The following MILR1 variants were observed in gnomAD, a reference collection of about 807,000 sequenced individuals.
The protein encoded by MILR1 is allergin-1.
Under a neutral mutation model 18.5 loss-of-function variants are expected in MILR1, and 31 were observed. The ratio of observed to expected loss-of-function variants is 1.68; its 90% confidence interval spans 1.26 to 2.26. The LOEUF (loss-of-function observed/expected upper bound fraction) is 2.26, where lower values mean the gene tolerates loss of function less well. Among genes scored for constraint, MILR1 ranks in the 30% most tolerant of loss-of-function variants. MILR1 has a pLI of 0.00. For missense variants in MILR1, 257 were observed against 157.4 expected (o/e 1.63, Z -3.38); for synonymous variants, 85 against 56.2 (o/e 1.51, Z -2.30).
In MILR1 at chr17:64,464,739, A is replaced by G. The variant is rs1188186707; in HGVS notation, c.764-713A>G. ...GGAGTTTGAGACCAGCCTGGCTAAC[A>G]TGGTGAAGCCCCGCCTCTACTAAAA... On this transcript the variant is annotated intron_variant, in intron 5 of 9. Coordinates refer to ENST00000619286, the MANE Select transcript of MILR1 (RefSeq NM_001085423.2). 3.9e-5 allele frequency among the ~76,000 whole-genome samples: 6 copies of G among 152,280 alleles called. No individual in the cohort carries two copies. The East Asian group carries it at 9.6e-4, about 24-fold the overall frequency.
the MILR1 span, among the ~76,000 whole-genome samples, chr17:64,475,413 C>A: frequency 2.6e-5 from 4 of 151,872 alleles, no homozygotes; most frequent in South Asian, 4.2e-4. Flanking sequence ...CTTTGGGAGG[C>A]CGAGGCGGGC....
At chr17:64,487,900 A>G in the MILR1 span, among the ~76,000 whole-genome samples, 2 of 152,206 alleles carry the variant, frequency 1.3e-5, no homozygotes, top group East Asian at 3.9e-4. Flanking sequence ...GATATCCAAC[A>G]ATGTCAGGAT....
At chr17:64,486,377 TACAG>T in the MILR1 span, among the ~76,000 whole-genome samples, 3 of 145,264 alleles carry the variant, frequency 2.1e-5, no homozygotes, top group Admixed American at 6.8e-5. Context: ...TTTTTTTTAA[TACAG>T]ACAGAGTCTC....
chr17:64,466,690 C>T (rs1555663376), intron 8 of MILR1, 28 bp downstream of exon 8: 1 of 1,569,724 alleles, frequency 6.4e-7, no homozygotes, highest in Non-Finnish European at 8.7e-7. Flanking sequence ...ATAAGAGGTA[C>T]TGGTGAAATG....
the MILR1 span, among the ~76,000 whole-genome samples, chr17:64,494,461 G>T: frequency 1.3e-5 from 2 of 152,092 alleles, no homozygotes; most frequent in Admixed American, 6.6e-5. Context: ...GATGACTGTT[G>T]CTTGAATCAA....
chr17:64,464,374 T>G (rs1431928042), intron 5 of MILR1, among the ~76,000 whole-genome samples: 2 of 151,008 alleles, frequency 1.3e-5, no homozygotes, highest in Non-Finnish European at 2.9e-5. Flanking sequence ...CCTCCCAAAG[T>G]GCTGGGATTA....
chr17:64,492,968 A>G, the MILR1 span: 1 of 1,613,952 alleles, frequency 6.2e-7, no homozygotes, highest in African/African-American at 1.3e-5. Context: ...GCAAGGCCAT[A>G]AGGTAGCCTC....
chr17:64,466,521 A>G (rs1207180326), intron 7 of MILR1, 23 bp downstream of exon 7: 1 of 1,612,936 alleles, frequency 6.2e-7, no homozygotes. Flanking sequence ...TGCAGAGTCT[A>G]TTCCACTGCC....
At chr17:64,451,085 C>A (rs2037160923) in intron 2 of MILR1, among the ~76,000 whole-genome samples, 1 of 152,046 alleles carries the variant, frequency 6.6e-6, no homozygotes. Flanking sequence ...AGTTTCCCCA[C>A]CCACTCCCCA....
At chr17:64,451,188 G>C (rs2037163842) in intron 2 of MILR1, among the ~76,000 whole-genome samples, 1 of 151,708 alleles carries the variant, frequency 6.6e-6, no homozygotes, top group South Asian at 2.1e-4. Flanking sequence ...CTGTCGCCCA[G>C]GCTGGAGTGC....
At chr17:64,480,877 CAAG>C in the MILR1 span, among the ~76,000 whole-genome samples, 6 of 152,136 alleles carry the variant, frequency 3.9e-5, no homozygotes, top group Non-Finnish European at 8.8e-5. Flanking sequence ...GAAAATGTTT[CAAG>C]AAGAGACTGA....
chr17:64,452,397 G>T (rs1449247973), intron 2 of MILR1, among the ~76,000 whole-genome samples, 200 bp from the exon 3 acceptor site: 1 of 151,942 alleles, frequency 6.6e-6, no homozygotes, highest in South Asian at 2.1e-4. Flanking sequence ...GGGATTACAG[G>T]TGCCCACCAC....
At chr17:64,479,794 T>C in the MILR1 span, among the ~76,000 whole-genome samples, 1 of 152,172 alleles carries the variant, frequency 6.6e-6, no homozygotes, top group South Asian at 2.1e-4. Context: ...AGACTGGATG[T>C]AGAGAATGAG....
chr17:64,482,755 G>C, the MILR1 span, among the ~76,000 whole-genome samples: 2 of 152,168 alleles, frequency 1.3e-5, no homozygotes, highest in Non-Finnish European at 2.9e-5. Context: ...CTGAAACCTT[G>C]AGTTCAAAGG....
intron 5 of MILR1, among the ~76,000 whole-genome samples, chr17:64,464,797 G>A (rs569051939): frequency 7.9e-5 from 12 of 152,348 alleles, no homozygotes; most frequent in African/African-American, 2.9e-4. Context: ...TGTGGCACAT[G>A]CCTGTAATCC....
chr17:64,466,566 T>A, intron 7 of MILR1, 28 bp from the exon 8 acceptor site: 2 of 1,611,144 alleles, frequency 1.2e-6, no homozygotes, highest in Non-Finnish European at 1.7e-6. Flanking sequence ...ATTGGCCCAA[T>A]AATTCCTATT....
intron 4 of MILR1, among the ~76,000 whole-genome samples, chr17:64,458,409 C>T (rs2037351151): frequency 6.6e-6 from 1 of 151,894 alleles, no homozygotes; most frequent in African/African-American, 2.4e-5. Context: ...GACGGGTTTT[C>T]ACCATGTTGG....
chr17:64,496,670 C>G, the MILR1 span: 50 of 1,613,908 alleles, frequency 3.1e-5, no homozygotes, highest in Non-Finnish European at 4.1e-5. Flanking sequence ...GCCCAAGGGT[C>G]CGAAGCCGGG....
Position 64,452,715 on chromosome 17 carries a change from T to A in MILR1, c.216T>A (p.Arg72=), listed in dbSNP as rs2037201619. ...SLQITYSLFR[R]KTHLGTQDGK... ...AGATCACCTATTCATTGTTTCGACG[T>A]AAGACACACCTGGGAACCCAGGATG... The change falls in exon 3 of 10, where the codon CGT becomes CGA. Residue 72 remains arginine, a synonymous_variant. Coordinates refer to ENST00000619286, the MANE Select transcript of MILR1 (RefSeq NM_001085423.2). The A allele has an allele frequency of 4.2e-6, 2 of 475,108 alleles. No homozygotes were observed. The highest frequency in any genetic ancestry group is 7.7e-6 in the Non-Finnish European group (2 of 259,014). The allele number at this position is 475,108 out of a possible 1,614,324, so 29.4% of individuals were successfully genotyped here. A position where few individuals can be genotyped will look rare whatever the true frequency, so the allele number is the denominator to read the frequency against.
Sources: gnomAD v4.1 joint callset for allele counts (sites outside exome capture counted in the v4.1 genomes callset) on GRCh38, gnomAD v4.1.1 for gene constraint, MANE v1.5 for transcripts, NCBI Gene and HGNC (gene_info 2026-07-23, HGNC 2026-07-21) for gene names.